The following DOCK8 variants were observed in gnomAD, a reference collection of about 807,000 sequenced individuals.
DOCK8 encodes the protein dedicator of cytokinesis 8, also known as dedicator of cytokinesis protein 8.
DOCK8 carries 141 observed loss-of-function variants against 245.6 expected under a neutral mutation model. The ratio of observed to expected loss-of-function variants is 0.57; its 90% CI spans 0.50 to 0.66. The LOEUF (loss-of-function observed/expected upper bound fraction) is 0.66, where lower values mean the gene tolerates loss of function less well. Among genes scored for constraint, DOCK8 ranks in the 30% least tolerant of loss-of-function variants. The pLI is 0.00. For synonymous variants in DOCK8, 1,168 were observed against 970.2 expected (o/e 1.20, Z -3.79); for missense variants, 2,965 against 2,603.4 (o/e 1.14, Z -3.02).
intron 1 of DOCK8, among the ~76,000 whole-genome samples, chr9:242,018 G>C (rs2047385116): frequency 6.6e-6 from 1 of 152,132 alleles, no homozygotes; most frequent in Non-Finnish European, 1.5e-5. Flanking sequence ...ACAGCACATA[G>C]TTCTGATAAT....
chr9:241,003 CTCTTA>C (rs1014319045), intron 1 of DOCK8, among the ~76,000 whole-genome samples: 3 of 151,860 alleles, frequency 2.0e-5, no homozygotes, highest in Non-Finnish European at 4.4e-5. Context: ...TTTCTTTTTC[CTCTTA>C]TCTTTTAGAA....
intron 1 of DOCK8, among the ~76,000 whole-genome samples, chr9:255,767 G>A (rs181879216): frequency 1.3e-5 from 2 of 148,370 alleles, no homozygotes; most frequent in East Asian, 3.9e-4. Flanking sequence ...TTCATATGAA[G>A]AATAATTTAT....
intron 10 of DOCK8, among the ~76,000 whole-genome samples, chr9:333,660 C>T (rs1014778356): frequency 2.0e-5 from 3 of 151,118 alleles, no homozygotes; most frequent in Non-Finnish European, 2.9e-5. Flanking sequence ...TTGTACTCTA[C>T]AGACTCATAA....
At chr9:430,402 C>G (rs994532645) in intron 36 of DOCK8, among the ~76,000 whole-genome samples, 18 of 151,860 alleles carry the variant, frequency 1.2e-4, no homozygotes, top group African/African-American at 4.3e-4. Flanking sequence ...AATAAAATAA[C>G]CAGGTGCAGT....
chr9:233,990 T>C (rs937074039), intron 1 of DOCK8, among the ~76,000 whole-genome samples: 1 of 152,116 alleles, frequency 6.6e-6, no homozygotes, highest in African/African-American at 2.4e-5. Flanking sequence ...TCTTCCTAGC[T>C]TGGATGGTCT....
chr9:227,135 A>C (rs907332920), intron 1 of DOCK8, among the ~76,000 whole-genome samples: 1 of 152,178 alleles, frequency 6.6e-6, no homozygotes, highest in East Asian at 1.9e-4. Flanking sequence ...ATGCATGCAT[A>C]TTTTGCAAGT....
At chr9:430,555 G>A (rs2056670850) in intron 36 of DOCK8, among the ~76,000 whole-genome samples, 1 of 151,558 alleles carries the variant, frequency 6.6e-6, no homozygotes, top group African/African-American at 2.4e-5. Flanking sequence ...TGGCACACAC[G>A]CCCGTAATCT....
chr9:226,016 A>G (rs778114785), intron 1 of DOCK8, among the ~76,000 whole-genome samples: 1 of 152,212 alleles, frequency 6.6e-6, no homozygotes, highest in African/African-American at 2.4e-5. Context: ...GGCAATGGAA[A>G]AAATTTAAAT....
chr9:443,651 A>G, intron 43 of DOCK8, 135 bp downstream of exon 43: 1 of 690,498 alleles, frequency 1.4e-6, no homozygotes, highest in African/African-American at 1.8e-5. Flanking sequence ...TCTAGAGTTC[A>G]ACTACTAATT....
At chr9:266,318 C>T (rs561751211) in intron 1 of DOCK8, among the ~76,000 whole-genome samples, 7 of 152,026 alleles carry the variant, frequency 4.6e-5, no homozygotes, top group Non-Finnish European at 8.8e-5. Context: ...ATCAGGCTTC[C>T]CAGGAACAGC....
At chr9:407,200 A>G in intron 28 of DOCK8, 131 bp downstream of exon 28, 1 of 1,384,222 alleles carries the variant, frequency 7.2e-7, no homozygotes. Context: ...GAGTAGAAAC[A>G]TCTGTCTTGA....
chr9:382,055 C>T (rs2053741272), intron 21 of DOCK8, among the ~76,000 whole-genome samples: 2 of 152,172 alleles, frequency 1.3e-5, no homozygotes, highest in South Asian at 4.1e-4. Context: ...GTGCTGTATA[C>T]ATCATATACC....
rs2049883005 is a variant in DOCK8 at position 307,329 on chromosome 9, GTTTTTTTTGTTTTTTTT to G, written c.528+2634_528+2650del. Among the ~76,000 whole-genome samples, 3 of 75,142 alleles carry G rather than the reference GTTTTTTTTGTTTTTTTT, an allele frequency of 4.0e-5. 1 individual carries two copies. Among genetic ancestry groups the G allele is most frequent in the African/African-American group, 1.5e-4 (3 of 20,424 alleles). 49.3% of individuals were successfully genotyped at this position (75,142 alleles called of 152,430 possible). A position where few individuals can be genotyped will look rare whatever the true frequency, so the allele number is the denominator to read the frequency against. On this transcript the variant is annotated intron_variant, in intron 5 of 47. Transcript: ENST00000432829. ...AACTCAAGTCACTGTGTTGTGTGTG[GTTTTTTTTGTTTTTTTT>G]TTTTTTTTTTTTTTTTTTTTTTTTT...
chr9:352,978 C>T (rs2052249407), intron 14 of DOCK8, among the ~76,000 whole-genome samples: 1 of 152,120 alleles, frequency 6.6e-6, no homozygotes, highest in Non-Finnish European at 1.5e-5. Flanking sequence ...CAATACTCGT[C>T]ACCCTGTGAA....
chr9:219,723 C>T (rs867353503), intron 1 of DOCK8, among the ~76,000 whole-genome samples: 13 of 152,054 alleles, frequency 8.5e-5, no homozygotes, highest in Non-Finnish European at 1.8e-4. Flanking sequence ...ATAGCAAAAC[C>T]CTGTCTCTAC....
At chr9:405,347 A>G (rs536202416) in intron 27 of DOCK8, among the ~76,000 whole-genome samples, 36 of 152,382 alleles carry the variant, frequency 2.4e-4, no homozygotes, top group African/African-American at 8.4e-4. Context: ...ACTCATAGAA[A>G]AGTCTCAAAT....
intron 37 of DOCK8, 42 bp from the exon 38 acceptor site, chr9:433,833 A>G (rs1435863360): frequency 6.7e-7 from 1 of 1,490,150 alleles, no homozygotes; most frequent in Non-Finnish European, 9.4e-7. Context: ...TTCACCTGGG[A>G]CTACAAAGCT....
intron 24 of DOCK8, among the ~76,000 whole-genome samples, chr9:394,064 C>T (rs1037791890): frequency 2.0e-5 from 3 of 152,134 alleles, no homozygotes; most frequent in Non-Finnish European, 4.4e-5. Context: ...TTGCCACTAC[C>T]AGGACCTCAC....
chr9:258,873 C>T (rs552118615), intron 1 of DOCK8, among the ~76,000 whole-genome samples: 2 of 152,030 alleles, frequency 1.3e-5, no homozygotes, highest in South Asian at 2.1e-4. Flanking sequence ...GTTGGGATTA[C>T]GGGCGTGAGC....
Sources: allele counts gnomAD v4.1 joint callset (sites outside exome capture counted in the v4.1 genomes callset), GRCh38; gene constraint gnomAD v4.1.1; transcripts MANE v1.5; gene names NCBI Gene and HGNC (gene_info 2026-07-23, HGNC 2026-07-21).